Variants in LPCAT2 observed in about 807,000 individuals in gnomAD.
LPCAT2 encodes the protein 1-AGP acyltransferase 11.
In LPCAT2, 58 loss-of-function variants were observed where a neutral mutation model predicts 64.7. The ratio of observed to expected loss-of-function variants is 0.90; its 90% confidence interval spans 0.73 to 1.12. The LOEUF (loss-of-function observed/expected upper bound fraction) is 1.12. Among genes scored for constraint, LPCAT2 ranks in the 50% most tolerant of loss-of-function variants. The pLI is 0.00. For missense variants in LPCAT2, 579 were observed against 669.8 expected, an observed-to-expected ratio of 0.86 and a Z score of 1.50; for synonymous variants, 252 against 245.3, an observed-to-expected ratio of 1.03 and a Z score of -0.26.
chr16:55,540,495 G>A (rs1432571140), intron 8 of LPCAT2: 1 of 152,202 alleles, frequency 6.6e-6, no homozygotes, highest in African/African-American at 2.4e-5. Context: ...TTAAGAGTCT[G>A]TTAGTTTATC....
At chr16:55,524,429 A>C (rs1244737863) in intron 1 of LPCAT2, among the ~76,000 whole-genome samples, 1 of 151,976 alleles carries the variant, frequency 6.6e-6, no homozygotes, top group Non-Finnish European at 1.5e-5. Context: ...GAGACACAAG[A>C]TGACTTTCTG....
At chr16:55,569,650 T>C (rs1963747628) in intron 11 of LPCAT2, among the ~76,000 whole-genome samples, 1 of 152,236 alleles carries the variant, frequency 6.6e-6, no homozygotes, top group African/African-American at 2.4e-5. Context: ...AGGGATTACC[T>C]ACTTTTACAA....
At chr16:55,511,188 T>C (rs1962927141) in intron 1 of LPCAT2, among the ~76,000 whole-genome samples, 1 of 152,218 alleles carries the variant, frequency 6.6e-6, no homozygotes, top group Non-Finnish European at 1.5e-5. Flanking sequence ...ATATTGATAA[T>C]ATTGATAGTT....
chr16:55,583,085 A>G lies in LPCAT2; in HGVS notation c.1622A>G (p.Lys541Arg). Residue 541 changes from lysine to arginine, a missense_variant, in exon 14 of 14, where the codon AAA (lysine) becomes AGA (arginine). Lys to Arg is a conservative substitution (Grantham distance 26, BLOSUM62 2). Coordinates refer to ENST00000262134, the MANE Select transcript of LPCAT2 (RefSeq NM_017839.5). ...AAGCATGAAGAGAGTACCTCAGACAAAAAAGATGACTGAAAGCAGTATTTC... is the reference window on the plus strand; with the variant it reads ...AAGCATGAAGAGAGTACCTCAGACAGAAAAGATGACTGAAAGCAGTATTTC... ...PEKHEESTSDKKDD is the reference protein window; with the variant it reads ...PEKHEESTSDRKDD 6.2e-7 allele frequency: 1 copy of G among 1,612,040 alleles called. No homozygotes were observed. The highest frequency in any genetic ancestry group is 8.5e-7 in the Non-Finnish European group (1 of 1,178,944).
chr16:55,584,663 A>G lies in LPCAT2; in HGVS notation c.*1565A>G, dbSNP rs1874676755. 6.6e-6 allele frequency: 1 copy of G among 152,134 alleles called. No individual in the cohort carries two copies. Among genetic ancestry groups the G allele is most frequent in the African/African-American group, 2.4e-5 (1 of 41,428 alleles). The allele number at this position is 152,134 out of a possible 1,614,324, so 9.4% of individuals were successfully genotyped here. A position where few individuals can be genotyped will look rare whatever the true frequency, so the allele number is the denominator to read the frequency against. On this transcript the variant is annotated 3_prime_UTR_variant, in exon 14 of 14. Coordinates refer to ENST00000262134, the MANE Select transcript of LPCAT2 (RefSeq NM_017839.5). ...ACCCCCAAGCTAATTTTTTAAAGTC[A>G]TTTTTGAAGTTGGGAAGTCTCATGA...
chr16:55,563,376 T>C (rs1203503577), intron 11 of LPCAT2, among the ~76,000 whole-genome samples: 1 of 151,850 alleles, frequency 6.6e-6, no homozygotes, highest in Non-Finnish European at 1.5e-5. Context: ...ATTCATTCCA[T>C]GAGGCCAAAG....
At chr16:55,522,414 C>G (rs1963110028) in intron 1 of LPCAT2, among the ~76,000 whole-genome samples, 1 of 151,640 alleles carries the variant, frequency 6.6e-6, no homozygotes, top group African/African-American at 2.4e-5. Context: ...CCAAATTGAT[C>G]TGTAGATTCA....
Position 55,534,534 on chromosome 16 carries a change from G to T in LPCAT2, c.797+57G>T. 5 of 806,740 alleles carry T rather than the reference G, an allele frequency of 6.2e-6. No homozygotes were observed. The South Asian group carries it at 9.7e-5, about 16-fold the overall frequency. 50.0% of individuals were successfully genotyped at this position (806,740 alleles called of 1,614,324 possible). On this transcript the variant is annotated intron_variant, in intron 7 of 13. Coordinates refer to ENST00000262134, the MANE Select transcript of LPCAT2 (RefSeq NM_017839.5). ...TAAATTTTATTTTAGTGAAGAAAAA[G>T]AAAGATCATTTATTCATTCTTTAAA...
chr16:55,541,749 T>C (rs1334941889), intron 8 of LPCAT2: 1 of 634,116 alleles, frequency 1.6e-6, no homozygotes, highest in Non-Finnish European at 2.2e-6. Context: ...AGAAAATTTA[T>C]AGAGTTTTGA....
intron 11 of LPCAT2, chr16:55,567,618 C>T (rs1271168803): frequency 2.0e-6 from 2 of 1,001,794 alleles, no homozygotes; most frequent in African/African-American, 1.6e-5. Flanking sequence ...CAAGCTCTTT[C>T]ACAACCCTAC....
At chr16:55,513,243 T>C (rs1293970684) in intron 1 of LPCAT2, among the ~76,000 whole-genome samples, 1 of 152,018 alleles carries the variant, frequency 6.6e-6, no homozygotes, top group Non-Finnish European at 1.5e-5. Context: ...AATGAATGAA[T>C]AGTTGGAAGG....
At chr16:55,581,649 G>T (rs1054125471) in intron 13 of LPCAT2, among the ~76,000 whole-genome samples, 1 of 152,154 alleles carries the variant, frequency 6.6e-6, no homozygotes, top group East Asian at 1.9e-4. Flanking sequence ...AAAAGTAAAT[G>T]TATAGAAATA....
At chr16:55,539,260 T>C in intron 8 of LPCAT2, 1 of 112,872 alleles carries the variant, frequency 8.9e-6, no homozygotes, top group African/African-American at 3.1e-5. Flanking sequence ...TTTTTTTTTC[T>C]GTCTTTTTTT....
chr16:55,569,070 C>T (rs1291223766), intron 11 of LPCAT2, among the ~76,000 whole-genome samples: 1 of 152,168 alleles, frequency 6.6e-6, no homozygotes, highest in East Asian at 1.9e-4. Context: ...ATTCTTCCTT[C>T]CTCTTTGGAC....
At chr16:55,536,994 A>AT (rs1314544941) in intron 7 of LPCAT2, among the ~76,000 whole-genome samples, 1 of 152,010 alleles carries the variant, frequency 6.6e-6, no homozygotes, top group African/African-American at 2.4e-5. Context: ...AGGCCCATTG[A>AT]TTTTTTTTAA....
intron 6 of LPCAT2, among the ~76,000 whole-genome samples, chr16:55,534,019 T>G (rs1596860886): frequency 6.6e-6 from 1 of 152,184 alleles, no homozygotes; most frequent in African/African-American, 2.4e-5. Context: ...CTATCAAACT[T>G]TTATTTGTTG....
At chr16:55,522,690 G>A (rs1051449626) in intron 1 of LPCAT2, among the ~76,000 whole-genome samples, 2 of 151,534 alleles carry the variant, frequency 1.3e-5, no homozygotes, top group African/African-American at 2.4e-5. Flanking sequence ...TTGATTTTTT[G>A]CAAAGTTACC....
At chr16:55,559,142 A>T (rs1307035551) in intron 11 of LPCAT2, among the ~76,000 whole-genome samples, 1 of 152,182 alleles carries the variant, frequency 6.6e-6, no homozygotes, top group East Asian at 1.9e-4. Flanking sequence ...TTTTACCAAC[A>T]CCATTATGTG....
At position 55,546,005 on chromosome 16, in the gene LPCAT2, TACCACA is replaced by T. The variant is rs1457494852; in HGVS notation, c.935+190_935+195del. On this transcript the variant is annotated intron_variant, in intron 9 of 13. Coordinates refer to ENST00000262134, the MANE Select transcript of LPCAT2 (RefSeq NM_017839.5). ...TCTATAAGTATTTTCCCCAGCTGCA[TACCACA>T]AATAAGGAAATATATCTTTACCAGA... 2.6e-5 allele frequency among the ~76,000 whole-genome samples: 4 copies of T among 152,220 alleles called. No homozygotes were observed. The South Asian group carries it at 8.3e-4, about 32-fold the overall frequency.
Sources: gnomAD v4.1 joint callset for allele counts (sites outside exome capture counted in the v4.1 genomes callset) on GRCh38, gnomAD v4.1.1 for gene constraint, MANE v1.5 for transcripts, NCBI Gene and HGNC (gene_info 2026-07-23, HGNC 2026-07-21) for gene names.